The following TXNDC11 variants were observed in gnomAD, a reference collection of about 807,000 sequenced individuals.
TXNDC11 encodes thioredoxin domain-containing protein 11.
A neutral mutation model predicts 78.0 loss-of-function variants in TXNDC11; 68 were observed. The ratio of observed to expected loss-of-function variants is 0.87; its 90% CI spans 0.72 to 1.07. TXNDC11 has a LOEUF of 1.07. Among genes scored for constraint, TXNDC11 ranks in the 50% least tolerant of loss-of-function variants. The probability of loss-of-function intolerance (pLI) is 0.00; values close to 1 mark genes in which losing one functional copy is unlikely to be tolerated. For synonymous variants in TXNDC11, 571 were observed against 495.2 expected (o/e 1.15, Z -2.03); for missense variants, 1,389 against 1,221.8 (o/e 1.14, Z -2.04).
chr16:11,695,297 C>G (rs926622448), intron 7 of TXNDC11, among the ~76,000 whole-genome samples: 2 of 152,066 alleles, frequency 1.3e-5, no homozygotes, highest in African/African-American at 2.4e-5. Context: ...ACCATATGGT[C>G]ACTCCTGACT....
At chr16:11,688,239 T>G in intron 9 of TXNDC11, 64 bp downstream of exon 9, 26 of 1,569,166 alleles carry the variant, frequency 1.7e-5, no homozygotes, top group Non-Finnish European at 2.3e-5. Flanking sequence ...CCCCAACAAC[T>G]GTAGTTTGGA....
At chr16:11,739,875 G>A (rs1210512312) in intron 1 of TXNDC11, among the ~76,000 whole-genome samples, 1 of 151,830 alleles carries the variant, frequency 6.6e-6, no homozygotes, top group Non-Finnish European at 1.5e-5. Context: ...CAAGCCTGGA[G>A]CTGTTCATAA....
At chr16:11,685,874 T>G (rs1299837004) in intron 10 of TXNDC11, among the ~76,000 whole-genome samples, 1 of 152,184 alleles carries the variant, frequency 6.6e-6, no homozygotes, top group East Asian at 1.9e-4. Flanking sequence ...ACTATAAAAT[T>G]AAAACATTGT....
chr16:11,713,062 G>A (rs2051412160), intron 5 of TXNDC11, among the ~76,000 whole-genome samples: 3 of 148,390 alleles, frequency 2.0e-5, no homozygotes, highest in South Asian at 2.2e-4. Context: ...AGTCAAGATC[G>A]TGCCATTGCA....
intron 11 of TXNDC11, among the ~76,000 whole-genome samples, chr16:11,683,523 T>C (rs531740123): frequency 6.6e-6 from 1 of 152,252 alleles, no homozygotes; most frequent in East Asian, 1.9e-4. Flanking sequence ...GATTCTCTGC[T>C]GTTTTGCCCC....
chr16:11,727,630 C>A (rs2051921313), intron 4 of TXNDC11, among the ~76,000 whole-genome samples: 2 of 152,018 alleles, frequency 1.3e-5, no homozygotes, highest in African/African-American at 4.8e-5. Context: ...ACTGATGACA[C>A]TCTAACTCAC....
Position 11,691,458 on chromosome 16 carries a change from T to C in TXNDC11, c.1732A>G (p.Lys578Glu). 6.2e-7 allele frequency: 1 copy of C among 1,614,220 alleles called. No individual in the cohort carries two copies. The highest frequency in any genetic ancestry group is 8.5e-7 in the Non-Finnish European group (1 of 1,180,036). ...TCCAAAAGGTAGATGTTGAGAGTCTTGTTGGTTCTGCAGCTCAGGCCTGTG... is the reference window on the plus strand; with the variant it reads ...TCCAAAAGGTAGATGTTGAGAGTCTCGTTGGTTCTGCAGCTCAGGCCTGTG... ...NFTGLSCRTNKTLNIYLLDSN... is the reference protein window; with the variant it reads ...NFTGLSCRTNETLNIYLLDSN... The change falls in exon 8 of 12, where the codon AAG becomes GAG. Residue 578 changes from lysine to glutamate, a missense_variant. Physicochemically the swap from Lys to Glu is moderately conservative, Grantham distance 56. Coordinates refer to ENST00000283033, the MANE Select transcript of TXNDC11 (RefSeq NM_015914.7).
At chr16:11,703,962 C>T (rs1023590373) in intron 5 of TXNDC11, among the ~76,000 whole-genome samples, 15 of 152,144 alleles carry the variant, frequency 9.9e-5, no homozygotes, top group African/African-American at 1.9e-4. Context: ...TGTGGTGGCA[C>T]GCACCTGTAA....
Position 11,742,794 on chromosome 16 carries a change from G to A in TXNDC11, c.-64C>T. ...GCCTCGGGCCCGAAGGCCCGGCCCG[G>A]CCCGTTGCTCCCCAATCCCGCAGCT... On this transcript the variant is annotated 5_prime_UTR_variant, in exon 1 of 12. Transcript: ENST00000283033. The A allele has an allele frequency of 2.2e-6, 3 of 1,393,372 alleles. No individual in the cohort carries two copies. The highest frequency in any genetic ancestry group is 1.7e-5 in the South Asian group (1 of 59,126). 86.3% of individuals were successfully genotyped at this position (1,393,372 alleles called of 1,614,324 possible).
chr16:11,736,227 T>C lies in TXNDC11; in HGVS notation c.261A>G (p.Ala87=). 26 of 1,606,726 alleles carry C rather than the reference T, an allele frequency of 1.6e-5. No homozygotes were observed. Among genetic ancestry groups the C allele is most frequent in the Non-Finnish European group, 2.1e-5 (25 of 1,176,074 alleles). The change falls in exon 2 of 12, where the codon GCA becomes GCG. Residue 87 remains alanine, a synonymous_variant. Coordinates refer to ENST00000283033, the MANE Select transcript of TXNDC11 (RefSeq NM_015914.7). ...GCTTTGCTGGTATTATCACATCTTT[T>C]GCTCGACTAAAAAAGAGCAAACACA... ...LLALKFTCSR[A]KDVIIPAKPP... is the part of the protein sequence containing the mutation.
intron 5 of TXNDC11, among the ~76,000 whole-genome samples, chr16:11,718,852 C>T (rs2051621789): frequency 6.6e-6 from 1 of 152,168 alleles, no homozygotes; most frequent in South Asian, 2.1e-4. Context: ...ATGAAAACAA[C>T]TAGCACATAA....
At chr16:11,682,116 T>A (rs1420043940) in intron 11 of TXNDC11, among the ~76,000 whole-genome samples, 1 of 152,232 alleles carries the variant, frequency 6.6e-6, no homozygotes, top group Admixed American at 6.5e-5. Context: ...AGGTGGACAA[T>A]GAAAAAGGTC....
At chr16:11,715,648 T>C (rs2051507477) in intron 5 of TXNDC11, among the ~76,000 whole-genome samples, 1 of 152,128 alleles carries the variant, frequency 6.6e-6, no homozygotes, top group Non-Finnish European at 1.5e-5. Context: ...AAGCACGGTG[T>C]GGAGCTGTAG....
intron 5 of TXNDC11, 152 bp from the exon 6 acceptor site, chr16:11,700,716 C>G (rs2050989396): frequency 1.7e-6 from 1 of 576,612 alleles, no homozygotes; most frequent in East Asian, 2.9e-5. Flanking sequence ...GCTGAGGAAC[C>G]TCTCCTCCTG....
Position 11,715,424 on chromosome 16 carries a change from C to A in TXNDC11, c.793+6153G>T, listed in dbSNP as rs563116024. ...GCCCATGAGTTCAAGGTTACCACTG[C>A]GTTCCAGCCTGGGCAACAAAGTGAG... On this transcript the variant is annotated intron_variant, in intron 5 of 11. Coordinates refer to ENST00000283033, the MANE Select transcript of TXNDC11 (RefSeq NM_015914.7). Among the ~76,000 whole-genome samples the A allele has an allele frequency of 1.2e-3, 178 of 147,824 alleles. 1 individual carries two copies. The highest frequency in any genetic ancestry group is 1.2e-4 in the Non-Finnish European group (8 of 67,496).
At chr16:11,720,876 G>C (rs894677258) in intron 5 of TXNDC11, among the ~76,000 whole-genome samples, 1 of 151,542 alleles carries the variant, frequency 6.6e-6, no homozygotes, top group Non-Finnish European at 1.5e-5. Flanking sequence ...CAACTAGCTG[G>C]GATTACAGGT....
At chr16:11,713,848 A>G (rs986938170) in intron 5 of TXNDC11, among the ~76,000 whole-genome samples, 6 of 152,036 alleles carry the variant, frequency 3.9e-5, no homozygotes, top group Non-Finnish European at 8.8e-5. Context: ...GAAATTACCC[A>G]AGAAAAAAAA....
intron 2 of TXNDC11, among the ~76,000 whole-genome samples, chr16:11,734,891 G>A (rs1224400331): frequency 6.6e-6 from 1 of 152,156 alleles, no homozygotes; most frequent in African/African-American, 2.4e-5. Flanking sequence ...CAATGACTGG[G>A]GGAAGCTACA....
rs1324225471 is a variant in TXNDC11, at chr16:11,742,736, G to A, written c.-6C>T. The A allele has an allele frequency of 6.8e-7, 1 of 1,465,752 alleles. No individual in the cohort carries two copies. The highest frequency in any genetic ancestry group is 2.8e-5 in the East Asian group (1 of 36,220). 90.8% of individuals were successfully genotyped at this position (1,465,752 alleles called of 1,614,324 possible). ...CGGCCTCCGCATTCCGACATTACAT[G>A]CTCCCAGTCGCCGGCTTTATACCGC... On this transcript the variant is annotated 5_prime_UTR_variant, in exon 1 of 12. Transcript: ENST00000283033.
Sources: allele counts gnomAD v4.1 joint callset (sites outside exome capture counted in the v4.1 genomes callset), GRCh38; gene constraint gnomAD v4.1.1; transcripts MANE v1.5; gene names NCBI Gene and HGNC (gene_info 2026-07-23, HGNC 2026-07-21).